The following SH3PXD2A variants were observed in gnomAD, a reference collection of about 807,000 sequenced individuals.
The protein encoded by SH3PXD2A is SH3 and PX domains 2A.
Under a neutral mutation model 115.2 loss-of-function variants are expected in SH3PXD2A, and 32 were observed. That is an observed-to-expected ratio of 0.28 (90% CI 0.21 to 0.37). SH3PXD2A has a LOEUF of 0.37. SH3PXD2A is among the 10% of genes least tolerant of loss of function. The probability of loss-of-function intolerance (pLI) is 1.00; values close to 1 mark genes in which losing one functional copy is unlikely to be tolerated. For synonymous variants in SH3PXD2A, 610 were observed against 629.1 expected (o/e 0.97, Z 0.45); for missense variants, 1,328 against 1,498.7 (o/e 0.89, Z 1.88).
intron 6 of SH3PXD2A, among the ~76,000 whole-genome samples, chr10:103,688,117 A>G (rs887501393): frequency 1.3e-5 from 2 of 152,222 alleles, no homozygotes; most frequent in Non-Finnish European, 2.9e-5. Flanking sequence ...CAGTTAGGTC[A>G]GTCTCCCAAC....
intron 1 of SH3PXD2A, among the ~76,000 whole-genome samples, chr10:103,843,430 T>C (rs1249533452): frequency 6.9e-6 from 1 of 144,156 alleles, no homozygotes; most frequent in Non-Finnish European, 1.6e-5. Context: ...AGTGCCATGC[T>C]ATCCACCATC....
chr10:103,678,354 T>C (rs12357919), intron 6 of SH3PXD2A, among the ~76,000 whole-genome samples: 17,658 of 152,246 alleles, frequency 0.12, 1,428 homozygotes, highest in Non-Finnish European at 0.18. Flanking sequence ...TCCCCACATC[T>C]GGCTCTCACG....
At position 103,627,979 on chromosome 10, in the gene SH3PXD2A, C is replaced by T. The variant is rs955641808; in HGVS notation, c.605-777G>A. Among the ~76,000 whole-genome samples the T allele has an allele frequency of 6.6e-6, 1 of 152,220 alleles. No individual in the cohort carries two copies. Among genetic ancestry groups the T allele is most frequent in the African/African-American group, 2.4e-5 (1 of 41,462 alleles). The stretch of plus-strand genomic sequence containing the variant: ...TTTGGTACTGATTCTCTTTTCTGCT[C>T]ATGGCCCAGTTCTCCATTTCCTGTC... On this transcript the variant is annotated intron_variant, in intron 8 of 14. Transcript: ENST00000369774. This position sits in a 1 kb window ranked among gnomAD's most constrained non-coding sequence, Gnocchi z 4.4.
At position 103,601,750 on chromosome 10, in the gene SH3PXD2A, G is replaced by A. The variant is rs145697889; in HGVS notation, c.*66C>T. ...CCATTTTTTCCTTTCCCTTTTGTTC[G>A]TCTCACCGCTCATCCAGTGGGCGGC... On this transcript the variant is annotated 3_prime_UTR_variant, in exon 15 of 15. Transcript: ENST00000369774. 3.9e-5 allele frequency: 29 copies of A among 741,206 alleles called. No homozygotes were observed. Among genetic ancestry groups the A allele is most frequent in the Admixed American group, 1.4e-4 (4 of 27,676 alleles). The allele number at this position is 741,206 out of a possible 1,614,324, so 45.9% of individuals were successfully genotyped here.
intron 8 of SH3PXD2A, among the ~76,000 whole-genome samples, chr10:103,633,709 T>G: frequency 9.0e-6 from 1 of 111,164 alleles, no homozygotes; most frequent in Non-Finnish European, 1.6e-5. Context: ...GTCTAGGCGA[T>G]GGAGCAAGAT....
chr10:103,808,612 A>T (rs1418677233), intron 1 of SH3PXD2A, among the ~76,000 whole-genome samples: 2 of 152,120 alleles, frequency 1.3e-5, no homozygotes, highest in Non-Finnish European at 2.9e-5. Flanking sequence ...CCGACATCTG[A>T]TCTGGACCCC....
chr10:103,814,497 A>G (rs1564895921), intron 1 of SH3PXD2A, among the ~76,000 whole-genome samples: 1 of 152,228 alleles, frequency 6.6e-6, no homozygotes, highest in Non-Finnish European at 1.5e-5. Context: ...TCTCTGTCCA[A>G]CATCAGGAAG....
intron 10 of SH3PXD2A, among the ~76,000 whole-genome samples, chr10:103,621,783 C>A (rs140752918): frequency 6.6e-6 from 1 of 152,314 alleles, no homozygotes; most frequent in African/African-American, 2.4e-5. Flanking sequence ...AGCTCTAAAC[C>A]CACAAACATC....
intron 6 of SH3PXD2A, among the ~76,000 whole-genome samples, chr10:103,678,622 T>A (rs1290927241): frequency 1.3e-5 from 2 of 152,156 alleles, no homozygotes; most frequent in Non-Finnish European, 2.9e-5. Flanking sequence ...TGACCTGGGA[T>A]GTGAAAGGGC....
intron 4 of SH3PXD2A, among the ~76,000 whole-genome samples, chr10:103,726,573 G>C (rs2038244113): frequency 1.3e-5 from 2 of 152,146 alleles, no homozygotes; most frequent in Admixed American, 1.3e-4. Flanking sequence ...ATTTATATTT[G>C]TTTAAAGAAA....
intron 2 of SH3PXD2A, among the ~76,000 whole-genome samples, chr10:103,769,583 C>G (rs1194485587): frequency 6.6e-6 from 1 of 151,970 alleles, no homozygotes. Flanking sequence ...AGGTGTGTGC[C>G]ACCACGCCTG....
At chr10:103,813,050 C>G (rs1251430446) in intron 1 of SH3PXD2A, among the ~76,000 whole-genome samples, 1 of 151,718 alleles carries the variant, frequency 6.6e-6, no homozygotes, top group Admixed American at 6.6e-5. Context: ...GTTCATATAC[C>G]TACTAAAGAT....
intron 8 of SH3PXD2A, among the ~76,000 whole-genome samples, chr10:103,629,663 C>T (rs535989771): frequency 5.9e-5 from 9 of 152,208 alleles, no homozygotes; most frequent in South Asian, 2.1e-4. Flanking sequence ...CTTCCACATT[C>T]GGCTATTGGG....
intron 8 of SH3PXD2A, among the ~76,000 whole-genome samples, chr10:103,655,314 C>G (rs553782544): frequency 6.6e-6 from 1 of 152,328 alleles, no homozygotes; most frequent in Admixed American, 6.5e-5. Context: ...GCAATGCAGA[C>G]TACAATAAAC....
intron 8 of SH3PXD2A, among the ~76,000 whole-genome samples, chr10:103,634,339 C>A (rs1207531735): frequency 2.0e-5 from 3 of 152,276 alleles, no homozygotes; most frequent in Non-Finnish European, 4.4e-5. Flanking sequence ...CGTGTCTGCA[C>A]ATGTGTGTAT....
At chr10:103,766,790 C>T (rs1265805401) in intron 3 of SH3PXD2A, among the ~76,000 whole-genome samples, 1 of 152,192 alleles carries the variant, frequency 6.6e-6, no homozygotes, top group Admixed American at 6.5e-5. Flanking sequence ...TTCATCCATT[C>T]ATAGAACTTG....
chr10:103,729,264 C>T (rs544822884), intron 4 of SH3PXD2A, among the ~76,000 whole-genome samples: 1 of 152,340 alleles, frequency 6.6e-6, no homozygotes, highest in South Asian at 2.1e-4. Context: ...TCCCTCCTGC[C>T]TCTAGCTTTA....
intron 6 of SH3PXD2A, among the ~76,000 whole-genome samples, chr10:103,683,735 A>T (rs1368596528): frequency 3.3e-5 from 5 of 152,130 alleles, no homozygotes; most frequent in African/African-American, 1.2e-4. Context: ...ATCCTTACTC[A>T]TGCCTGGCTG....
chr10:103,690,771 A>G (rs942395748), intron 6 of SH3PXD2A, among the ~76,000 whole-genome samples: 1 of 152,236 alleles, frequency 6.6e-6, no homozygotes, highest in African/African-American at 2.4e-5. Context: ...TATGAATATT[A>G]TCCCAAATGT....
Sources: allele counts gnomAD v4.1 joint callset (sites outside exome capture counted in the v4.1 genomes callset), GRCh38; gene constraint gnomAD v4.1.1; non-coding constraint Gnocchi (gnomAD v3.1); transcripts MANE v1.5; gene names NCBI Gene and HGNC (gene_info 2026-07-23, HGNC 2026-07-21).